The following KCNMB2 variants were observed in gnomAD, a reference collection of about 807,000 sequenced individuals.
The protein encoded by KCNMB2 is calcium-activated potassium channel subunit beta-2.
KCNMB2 carries 9 observed loss-of-function variants against 24.5 expected under a neutral mutation model. The ratio of observed to expected loss-of-function variants is 0.37; its 90% CI spans 0.22 to 0.64. KCNMB2 has a LOEUF of 0.64. Among genes scored for constraint, KCNMB2 ranks in the 30% least tolerant of loss-of-function variants. The probability of loss-of-function intolerance (pLI) is 0.63; values close to 1 mark genes in which losing one functional copy is unlikely to be tolerated. For missense variants in KCNMB2, 226 were observed against 284.3 expected, an observed-to-expected ratio of 0.79 and a Z score of 1.47; for synonymous variants, 109 against 104.4, an observed-to-expected ratio of 1.04 and a Z score of -0.27.
chr3:178,546,123 G>A (rs1715764504), intron 1 of KCNMB2, among the ~76,000 whole-genome samples: 1 of 152,088 alleles, frequency 6.6e-6, no homozygotes. Flanking sequence ...CAAAGGAGAA[G>A]GAAGGTTTAG....
chr3:178,595,672 C>T (rs1236936687), intron 1 of KCNMB2, among the ~76,000 whole-genome samples: 2 of 152,022 alleles, frequency 1.3e-5, no homozygotes, highest in African/African-American at 2.4e-5. Flanking sequence ...TTTGCTTTTC[C>T]CTTCCACCAT....
chr3:178,690,045 A>G (rs1480134361), intron 1 of KCNMB2, among the ~76,000 whole-genome samples: 1 of 152,226 alleles, frequency 6.6e-6, no homozygotes, highest in Non-Finnish European at 1.5e-5. Flanking sequence ...AATTTTATAT[A>G]ATAAAAATCT....
chr3:178,757,935 A>ATCCAAGAGGATATATATATATAT (rs1560006145), intron 1 of KCNMB2, among the ~76,000 whole-genome samples: 1 of 130,718 alleles, frequency 7.7e-6, no homozygotes, highest in African/African-American at 2.8e-5. Context: ...ATATATATAT[A>ATCCAAGAGGATATATATATATAT]CACAAGGGGA....
intron 1 of KCNMB2, among the ~76,000 whole-genome samples, chr3:178,721,544 C>T (rs1199247815): frequency 6.6e-6 from 1 of 152,074 alleles, no homozygotes; most frequent in Non-Finnish European, 1.5e-5. Flanking sequence ...TTTGTGTGTA[C>T]ATTTGGTATG....
chr3:178,600,997 C>T (rs12637161), intron 1 of KCNMB2, among the ~76,000 whole-genome samples: 63,961 of 151,892 alleles, frequency 0.42, 15,569 homozygotes, highest in African/African-American at 0.69. Context: ...ATATACACCA[C>T]GGAATACTAT....
intron 1 of KCNMB2, among the ~76,000 whole-genome samples, chr3:178,681,766 T>C (rs1721279489): frequency 6.6e-6 from 1 of 152,208 alleles, no homozygotes; most frequent in Admixed American, 6.5e-5. Flanking sequence ...GACAAAGAAC[T>C]AGAAAATGTA....
intron 4 of KCNMB2, 22 bp from the exon 5 acceptor site, chr3:178,842,631 C>T: frequency 1.3e-6 from 2 of 1,520,680 alleles, no homozygotes; most frequent in Non-Finnish European, 1.8e-6. Flanking sequence ...CTTCTAGTAA[C>T]AGTTTATCTT....
At chr3:178,537,573 CT>C (rs1715453071) in intron 1 of KCNMB2, among the ~76,000 whole-genome samples, 1 of 152,182 alleles carries the variant, frequency 6.6e-6, no homozygotes, top group Admixed American at 6.6e-5. Context: ...ACTTATTATA[CT>C]GCTTTGTACT....
intron 1 of KCNMB2, among the ~76,000 whole-genome samples, chr3:178,612,149 A>G (rs1042709386): frequency 2.6e-5 from 4 of 152,212 alleles, no homozygotes; most frequent in Non-Finnish European, 5.9e-5. Context: ...TAATGTTGTA[A>G]GACTTGTTTG....
At chr3:178,602,207 G>A (rs765713714) in intron 1 of KCNMB2, among the ~76,000 whole-genome samples, 37 of 128,540 alleles carry the variant, frequency 2.9e-4, no homozygotes, top group Non-Finnish European at 5.7e-4. Flanking sequence ...TAACTATCTC[G>A]CCAATCTAGG....
intron 1 of KCNMB2, among the ~76,000 whole-genome samples, chr3:178,721,745 G>T (rs1390875006): frequency 2.6e-5 from 4 of 152,158 alleles, no homozygotes; most frequent in Non-Finnish European, 4.4e-5. Flanking sequence ...AGTATTAATT[G>T]TCAGTGTGTT....
intron 1 of KCNMB2, among the ~76,000 whole-genome samples, chr3:178,596,234 C>G (rs893357649): frequency 2.0e-5 from 3 of 152,118 alleles, no homozygotes; most frequent in African/African-American, 7.2e-5. Context: ...TGCAGATGAT[C>G]TATTTTCAAT....
chr3:178,793,783 C>T (rs752450830), intron 1 of KCNMB2, among the ~76,000 whole-genome samples: 6 of 152,158 alleles, frequency 3.9e-5, no homozygotes, highest in Non-Finnish European at 7.3e-5. Context: ...GCAGGTGACT[C>T]TTCCCATGCA....
intron 1 of KCNMB2, among the ~76,000 whole-genome samples, chr3:178,575,581 A>G (rs939973287): frequency 2.6e-5 from 4 of 152,196 alleles, no homozygotes; most frequent in African/African-American, 9.7e-5. Context: ...CTAATATGAA[A>G]TAAAAGATAT....
intron 2 of KCNMB2, among the ~76,000 whole-genome samples, chr3:178,823,862 G>T (rs939758694): frequency 1.3e-5 from 2 of 152,032 alleles, no homozygotes; most frequent in African/African-American, 4.8e-5. Flanking sequence ...ATAAAAATTT[G>T]AATGAAAAAT....
intron 1 of KCNMB2, among the ~76,000 whole-genome samples, chr3:178,757,862 C>CCAAGAGG (rs1724203297): frequency 9.5e-4 from 17 of 17,954 alleles, no homozygotes; most frequent in African/African-American, 1.7e-3. Context: ...CAAGAGGATA[C>CCAAGAGG]ATATATATAT....
intron 1 of KCNMB2, among the ~76,000 whole-genome samples, chr3:178,540,003 C>A (rs1715564117): frequency 1.3e-5 from 2 of 152,150 alleles, no homozygotes; most frequent in South Asian, 4.1e-4. Flanking sequence ...CCTCTAACCT[C>A]CATACTTACA....
intron 4 of KCNMB2, among the ~76,000 whole-genome samples, chr3:178,831,097 C>T (rs958594336): frequency 5.7e-5 from 6 of 106,164 alleles, no homozygotes; most frequent in African/African-American, 3.1e-4. Context: ...ATATATGGAT[C>T]AAGTTTCTTT....
chr3:178,818,064 C>G (rs1714476332), intron 2 of KCNMB2, among the ~76,000 whole-genome samples: 1 of 152,116 alleles, frequency 6.6e-6, no homozygotes, highest in South Asian at 2.1e-4. Context: ...TCATGCTTTC[C>G]CTACTTCTCT....
Sources: allele counts gnomAD v4.1 joint callset (sites outside exome capture counted in the v4.1 genomes callset), GRCh38; gene constraint gnomAD v4.1.1; transcripts MANE v1.5; gene names NCBI Gene and HGNC (gene_info 2026-07-23, HGNC 2026-07-21).